FRMPD1: variants seen among roughly 807,000 people sequenced by gnomAD.
The protein encoded by FRMPD1 is FERM and PDZ domain-containing protein 1.
A neutral mutation model predicts 117.8 loss-of-function variants in FRMPD1; 76 were observed. The observed-to-expected ratio is 0.65, with a 90% CI of 0.54 to 0.78. FRMPD1 has a LOEUF of 0.78. Ranked by LOEUF, FRMPD1 falls within the 30% of genes least tolerant of loss-of-function variation. The probability of loss-of-function intolerance (pLI) is 0.00; values close to 1 mark genes in which losing one functional copy is unlikely to be tolerated. For synonymous variants in FRMPD1, 783 were observed against 770.4 expected, an observed-to-expected ratio of 1.02 and a Z score of -0.27; for missense variants, 1,786 against 1,964.5, an observed-to-expected ratio of 0.91 and a Z score of 1.72.
chr9:37,724,476 G>A lies in FRMPD1; in HGVS notation c.612+156G>A, dbSNP rs530507401. The stretch of plus-strand genomic sequence containing the variant: ...GCCAGGTGCCATGTTATCTCATTTC[G>A]TTGCACGACCACCCAGAAAGATGGT... On this transcript the variant is annotated intron_variant, in intron 7 of 15. Coordinates refer to ENST00000377765, the MANE Select transcript of FRMPD1 (RefSeq NM_014907.3). Among the ~76,000 whole-genome samples the A allele has an allele frequency of 5.9e-5, 9 of 152,154 alleles. No individual in the cohort carries two copies. The South Asian group carries it at 6.2e-4, about 11-fold the overall frequency.
the FRMPD1 span, among the ~76,000 whole-genome samples, chr9:37,640,400 C>T: frequency 6.6e-6 from 1 of 152,218 alleles, no homozygotes; most frequent in Non-Finnish European, 1.5e-5. Flanking sequence ...TCTCTGGGCA[C>T]AGACTGAAAT....
Position 37,744,832 on chromosome 9 carries a change from A to G in FRMPD1, c.2800A>G (p.Ile934Val). 6.2e-7 allele frequency: 1 copy of G among 1,614,154 alleles called. No homozygotes were observed. The highest frequency in any genetic ancestry group is 8.5e-7 in the Non-Finnish European group (1 of 1,179,986). ...EPETMETKSV[I>V]DSRVSSISAI... Reference sequence around the variant, plus strand: ...CGAGACCATGGAAACCAAATCAGTCATCGACTCTCGAGTGTCTTCTATTTC... The same window carrying G: ...CGAGACCATGGAAACCAAATCAGTCGTCGACTCTCGAGTGTCTTCTATTTC... The change falls in exon 16 of 16, where the codon ATC (isoleucine) becomes GTC (valine). Residue 934 changes from isoleucine (I) to valine (V), a missense_variant. Coordinates refer to ENST00000377765, the MANE Select transcript of FRMPD1 (RefSeq NM_014907.3).
chr9:37,646,716 A>G (rs1351098664), upstream of FRMPD1, among the ~76,000 whole-genome samples: 2 of 152,218 alleles, frequency 1.3e-5, no homozygotes, highest in Non-Finnish European at 2.9e-5. Flanking sequence ...CTTGTCCTAA[A>G]TCACTGCAGA....
chr9:37,610,868 C>T, the FRMPD1 span, among the ~76,000 whole-genome samples: 1 of 152,248 alleles, frequency 6.6e-6, no homozygotes, highest in Non-Finnish European at 1.5e-5. Context: ...TCCTAAAGTG[C>T]TGGGATTACA....
chr9:37,666,095 A>T lies in FRMPD1; in HGVS notation c.-5+15001A>T, dbSNP rs141492222. Among the ~76,000 whole-genome samples, 264 of 152,304 alleles carry T rather than the reference A, an allele frequency of 1.7e-3. 1 individual carries two copies. The highest frequency in any genetic ancestry group is 6.2e-3 in the African/African-American group (257 of 41,568). ...TGTTCTTGGGTGAGAAGCTGATGGCAAGTATTCCCTGGTCTCCGTGTGGGG... is the reference window on the plus strand; with the variant it reads ...TGTTCTTGGGTGAGAAGCTGATGGCTAGTATTCCCTGGTCTCCGTGTGGGG... On this transcript the variant is annotated intron_variant, in intron 1 of 15. Transcript: ENST00000377765.
the FRMPD1 span, among the ~76,000 whole-genome samples, chr9:37,633,199 C>A: frequency 6.6e-6 from 1 of 151,880 alleles, no homozygotes; most frequent in South Asian, 2.1e-4. Flanking sequence ...GCCACCACAC[C>A]TGGCTAATTT....
intron 7 of FRMPD1, among the ~76,000 whole-genome samples, chr9:37,729,430 G>A (rs960610529): frequency 1.4e-5 from 2 of 145,532 alleles, no homozygotes; most frequent in African/African-American, 2.5e-5. Context: ...GGGAACTCTA[G>A]AGAGAGAATA....
chr9:37,746,775 T>G lies in FRMPD1; in HGVS notation c.*6T>G. The G allele has an allele frequency of 6.2e-7, 1 of 1,609,110 alleles. No individual in the cohort carries two copies. The highest frequency in any genetic ancestry group is 8.5e-7 in the Non-Finnish European group (1 of 1,175,902). On this transcript the variant is annotated 3_prime_UTR_variant, in exon 16 of 16. Coordinates refer to ENST00000377765, the MANE Select transcript of FRMPD1 (RefSeq NM_014907.3). ...GGGCATCCACGGCCCTGTAAACAGG[T>G]CAACGGCCCAAGGGCCTCCTGCCCT...
chr9:37,622,011 C>A, the FRMPD1 span, among the ~76,000 whole-genome samples: 1 of 152,216 alleles, frequency 6.6e-6, no homozygotes, highest in Admixed American at 6.5e-5. Flanking sequence ...AGGTGTAAAT[C>A]AGTTGCAGAG....
the FRMPD1 span, among the ~76,000 whole-genome samples, chr9:37,644,527 G>A: frequency 3.9e-5 from 6 of 152,194 alleles, no homozygotes; most frequent in African/African-American, 1.4e-4. Context: ...AGGGAGCTGG[G>A]TAAGAGAAGG....
intron 5 of FRMPD1, among the ~76,000 whole-genome samples, chr9:37,717,697 A>G (rs1318494259): frequency 6.6e-6 from 1 of 152,152 alleles, no homozygotes; most frequent in African/African-American, 2.4e-5. Context: ...GCCAAGAATT[A>G]ACGACAAACT....
intron 6 of FRMPD1, among the ~76,000 whole-genome samples, chr9:37,720,393 G>A (rs914530183): frequency 6.6e-6 from 1 of 152,084 alleles, no homozygotes; most frequent in Non-Finnish European, 1.5e-5. Flanking sequence ...GGCCGGGGGC[G>A]GTGGCTCACG....
chr9:37,621,621 G>T, the FRMPD1 span, among the ~76,000 whole-genome samples: 1 of 152,232 alleles, frequency 6.6e-6, no homozygotes, highest in South Asian at 2.1e-4. Flanking sequence ...GAAAAGAGCA[G>T]GGCTGGCTAA....
At chr9:37,656,303 A>G (rs61614190) in intron 1 of FRMPD1, among the ~76,000 whole-genome samples, 5,947 of 152,276 alleles carry the variant, frequency 0.039, 409 homozygotes, top group African/African-American at 0.14. Flanking sequence ...TGATCCCTCA[A>G]GATGTAGCTC....
chr9:37,607,898 T>C, the FRMPD1 span, among the ~76,000 whole-genome samples: 10 of 152,338 alleles, frequency 6.6e-5, no homozygotes, highest in East Asian at 1.5e-3. Flanking sequence ...GATCACTGAA[T>C]AAATTAATAG....
chr9:37,720,452 C>T (rs1823345356), intron 6 of FRMPD1, among the ~76,000 whole-genome samples: 1 of 152,114 alleles, frequency 6.6e-6, no homozygotes, highest in South Asian at 2.1e-4. Flanking sequence ...ATCACAAGGT[C>T]AGAAGATCGA....
chr9:37,604,868 ATAGT>A, the FRMPD1 span, among the ~76,000 whole-genome samples: 66 of 152,340 alleles, frequency 4.3e-4, no homozygotes, highest in Admixed American at 3.6e-3. Flanking sequence ...CAAAACAGTA[ATAGT>A]TAGCATTATT....
intron 1 of FRMPD1, among the ~76,000 whole-genome samples, chr9:37,658,051 G>T (rs1360123246): frequency 6.6e-6 from 1 of 152,062 alleles, no homozygotes; most frequent in Non-Finnish European, 1.5e-5. Context: ...TCTTCCCTAT[G>T]ACAGCTAGTT....
In FRMPD1 at chr9:37,729,831, A is replaced by T; in HGVS notation, c.716A>T (p.His239Leu). Residue 239 changes from histidine (H) to leucine (L), a missense_variant, in exon 8 of 16, where the codon CAC becomes CTC. His to Leu is a moderately conservative substitution (Grantham distance 99). Transcript: ENST00000377765. ...QYSISRLHLL[H>L]EEELIQQVVE... ...AGCATCTCCCGGCTGCACCTGCTGCACGAAGAGGAACTCATCCAGCAGGTA... is the reference window on the plus strand; with the variant it reads ...AGCATCTCCCGGCTGCACCTGCTGCTCGAAGAGGAACTCATCCAGCAGGTA... 6.2e-7 allele frequency: 1 copy of T among 1,613,762 alleles called. No individual in the cohort carries two copies. Among genetic ancestry groups the T allele is most frequent in the Non-Finnish European group, 8.5e-7 (1 of 1,179,902 alleles).
Sources: gnomAD v4.1 joint callset for allele counts (sites outside exome capture counted in the v4.1 genomes callset) on GRCh38, gnomAD v4.1.1 for gene constraint, MANE v1.5 for transcripts, NCBI Gene and HGNC (gene_info 2026-07-23, HGNC 2026-07-21) for gene names.